Variants in OPCML observed in about 807,000 individuals in gnomAD.
OPCML encodes the protein opioid binding protein/cell adhesion molecule like.
Under a neutral mutation model 37.8 loss-of-function variants are expected in OPCML, and 13 were observed. That is an observed-to-expected ratio of 0.34 (90% CI 0.22 to 0.55). The LOEUF is 0.55. OPCML is among the 20% of genes least tolerant of loss of function. The pLI is 0.91. For missense variants in OPCML, 341 were observed against 435.6 expected (o/e 0.78, Z 1.93); for synonymous variants, 176 against 168.8 (o/e 1.04, Z -0.33).
chr11:132,774,707 C>A (rs1241947882), intron 2 of OPCML, among the ~76,000 whole-genome samples: 1 of 152,182 alleles, frequency 6.6e-6, no homozygotes, highest in Admixed American at 6.5e-5. Context: ...GTCCCCCTTG[C>A]AACCTCACCA....
chr11:133,274,331 C>T, intron 1 of OPCML, among the ~76,000 whole-genome samples: 1 of 138,738 alleles, frequency 7.2e-6, no homozygotes, highest in Middle Eastern at 3.3e-3. Context: ...ATAGGGTGGG[C>T]CATTAATCCA....
At chr11:132,911,266 C>G (rs1460407276) in intron 2 of OPCML, among the ~76,000 whole-genome samples, 1 of 152,206 alleles carries the variant, frequency 6.6e-6, no homozygotes, top group Non-Finnish European at 1.5e-5. Flanking sequence ...GGAAACCAGT[C>G]ATTTGAGCAA....
chr11:133,054,547 C>G (rs1206314583), intron 1 of OPCML, among the ~76,000 whole-genome samples: 5 of 152,210 alleles, frequency 3.3e-5, no homozygotes, highest in Non-Finnish European at 5.9e-5. Flanking sequence ...TTAACTTCAT[C>G]TATTTGTTGT....
At position 132,943,923 on chromosome 11, in the gene OPCML, C is replaced by A. The variant is rs1319204052; in HGVS notation, c.62-913G>T. On this transcript the variant is annotated intron_variant, in intron 1 of 7. Transcript: ENST00000524381. This position sits in a 1 kb window ranked among gnomAD's most constrained non-coding sequence, Gnocchi z 4.3. ...GGGAGCAGCCCCGACGCGCGCGGGC[C>A]CGGACCGCCGGGGTTGTCATGGCAG... is the stretch of plus-strand genomic sequence containing the variant. 6.6e-6 allele frequency among the ~76,000 whole-genome samples: 1 copy of A among 151,760 alleles called. No homozygotes were observed. The highest frequency in any genetic ancestry group is 1.5e-5 in the Non-Finnish European group (1 of 67,880).
chr11:132,970,221 T>G (rs1214474976), intron 1 of OPCML, among the ~76,000 whole-genome samples: 1 of 152,200 alleles, frequency 6.6e-6, no homozygotes, highest in Admixed American at 6.5e-5. Context: ...TGTTTTTCAC[T>G]TTTAAATTCA....
intron 2 of OPCML, among the ~76,000 whole-genome samples, chr11:132,827,054 C>G (rs916440373): frequency 6.6e-6 from 1 of 152,110 alleles, no homozygotes; most frequent in African/African-American, 2.4e-5. Flanking sequence ...TTCTCTTGTT[C>G]CATGGTTGTT....
rs981049751 is a variant in OPCML, at chr11:132,609,897, T to G, written c.379+47190A>C. Among the ~76,000 whole-genome samples the G allele has an allele frequency of 2.6e-5, 4 of 152,224 alleles. No homozygotes were observed. The East Asian group carries it at 7.7e-4, about 29-fold the overall frequency. The stretch of plus-strand genomic sequence containing the variant: ...TGGAAGGTGCTGACATCTACTTTAG[T>G]GAATGAGAATAAAGGAAAAATAAAA... On this transcript the variant is annotated intron_variant, in intron 3 of 7. Coordinates refer to ENST00000524381, the MANE Select transcript of OPCML (RefSeq NM_001012393.5).
At chr11:133,112,497 A>C (rs1013687670) in intron 1 of OPCML, among the ~76,000 whole-genome samples, 5 of 152,202 alleles carry the variant, frequency 3.3e-5, no homozygotes, top group Admixed American at 6.5e-5. Context: ...GTTTTTCCAA[A>C]ATCATGACAT....
At chr11:132,440,591 C>T (rs982111628) in intron 4 of OPCML, among the ~76,000 whole-genome samples, 4 of 152,174 alleles carry the variant, frequency 2.6e-5, no homozygotes, top group African/African-American at 9.7e-5. Flanking sequence ...GAGCCTGCCC[C>T]TCCAAGGACT....
chr11:133,204,868 G>GTGTGTATATA (rs1435953218), intron 1 of OPCML, among the ~76,000 whole-genome samples: 1 of 117,330 alleles, frequency 8.5e-6, no homozygotes, highest in African/African-American at 2.9e-5. Context: ...ATATATATGT[G>GTGTGTATATA]TATATATATA....
At chr11:132,940,553 T>C (rs1945542638) in intron 2 of OPCML, among the ~76,000 whole-genome samples, 1 of 152,192 alleles carries the variant, frequency 6.6e-6, no homozygotes, top group South Asian at 2.1e-4. Flanking sequence ...TATATTTATC[T>C]GGGGTTGAAG....
intron 1 of OPCML, among the ~76,000 whole-genome samples, chr11:133,035,167 C>T (rs1377670790): frequency 1.3e-5 from 2 of 152,200 alleles, no homozygotes; most frequent in Non-Finnish European, 2.9e-5. Context: ...TACCTTCATT[C>T]TGACTGCAGC....
intron 1 of OPCML, among the ~76,000 whole-genome samples, chr11:133,214,171 A>T (rs116321482): frequency 0.015 from 2,298 of 152,260 alleles, 59 homozygotes; most frequent in African/African-American, 0.053. Context: ...TAATAAGATT[A>T]AAAAAATCCC....
At chr11:132,588,091 C>A (rs913520718) in intron 3 of OPCML, among the ~76,000 whole-genome samples, 1 of 152,080 alleles carries the variant, frequency 6.6e-6, no homozygotes, top group African/African-American at 2.4e-5. Flanking sequence ...ATCAGAAAAC[C>A]AGAGAAGTCA....
rs151225495 is a variant in OPCML, at chr11:132,455,494, C to T, written c.506-18135G>A. The stretch of plus-strand genomic sequence containing the variant: ...TGGGCAAAGGTTAAATCTTCAAATC[C>T]GCCCTCGAGTGAGATCCCTTTGAGA... On this transcript the variant is annotated intron_variant, in intron 4 of 7. Transcript: ENST00000524381. Among the ~76,000 whole-genome samples, 14 of 152,258 alleles carry T rather than the reference C, an allele frequency of 9.2e-5. No homozygotes were observed. In the East Asian group the frequency reaches 9.6e-4, roughly 10 times the overall value.
intron 2 of OPCML, among the ~76,000 whole-genome samples, chr11:132,863,601 C>T (rs1449149707): frequency 1.3e-5 from 2 of 152,182 alleles, no homozygotes; most frequent in Admixed American, 6.5e-5. Context: ...AGTCAGAACA[C>T]GTTTTCTCCA....
chr11:132,895,708 G>C (rs1314365588), intron 2 of OPCML, among the ~76,000 whole-genome samples: 2 of 152,130 alleles, frequency 1.3e-5, no homozygotes, highest in Non-Finnish European at 2.9e-5. Flanking sequence ...TTCCATCTCT[G>C]TCTGAAGGAG....
chr11:133,312,495 T>A lies in OPCML; in HGVS notation c.61+219769A>T, dbSNP rs1000574668. Among the ~76,000 whole-genome samples the A allele has an allele frequency of 1.4e-4, 22 of 152,286 alleles. 1 individual carries two copies. Among genetic ancestry groups the A allele is most frequent in the Non-Finnish European group, 2.8e-4 (19 of 68,026 alleles). ...CGTAGCCCTGAATAGGCTGTTTGAATTAGTTCCAAGGCAGGGGTAATTGTC... is the reference window on the plus strand; with the variant it reads ...CGTAGCCCTGAATAGGCTGTTTGAAATAGTTCCAAGGCAGGGGTAATTGTC... On this transcript the variant is annotated intron_variant, in intron 1 of 7. Coordinates refer to ENST00000524381, the MANE Select transcript of OPCML (RefSeq NM_001012393.5).
chr11:132,516,155 T>A (rs1463651197), intron 4 of OPCML, among the ~76,000 whole-genome samples: 1 of 152,204 alleles, frequency 6.6e-6, no homozygotes, highest in East Asian at 1.9e-4. Context: ...AGCCTCACTA[T>A]TTGGTTAAAA....
Sources: allele counts gnomAD v4.1 joint callset (sites outside exome capture counted in the v4.1 genomes callset), GRCh38; gene constraint gnomAD v4.1.1; non-coding constraint Gnocchi (gnomAD v3.1); transcripts MANE v1.5; gene names NCBI Gene and HGNC (gene_info 2026-07-23, HGNC 2026-07-21).